The following L3MBTL4 variants were observed in gnomAD, a reference collection of about 807,000 sequenced individuals.
L3MBTL4 encodes the protein L3MBTL histone methyl-lysine binding protein 4, also known as lethal(3)malignant brain tumor-like protein 4.
A neutral mutation model predicts 84.5 loss-of-function variants in L3MBTL4; 70 were observed. The ratio of observed to expected loss-of-function variants is 0.83; its 90% CI spans 0.68 to 1.01. The LOEUF (loss-of-function observed/expected upper bound fraction) is 1.01. L3MBTL4 is among the 50% of genes least tolerant of loss of function. The pLI, the probability that L3MBTL4 is intolerant of heterozygous loss-of-function variation, is 0.00. For synonymous variants in L3MBTL4, 274 were observed against 259.8 expected (o/e 1.05, Z -0.52); for missense variants, 715 against 754.8 (o/e 0.95, Z 0.62).
intron 12 of L3MBTL4, among the ~76,000 whole-genome samples, chr18:6,180,683 A>G (rs1210517689): frequency 6.6e-6 from 1 of 152,230 alleles, no homozygotes; most frequent in East Asian, 1.9e-4. Flanking sequence ...TTCTTAAAGC[A>G]GTGTTTTTCA....
chr18:6,140,342 T>A (rs925206822), intron 13 of L3MBTL4, among the ~76,000 whole-genome samples: 2 of 152,212 alleles, frequency 1.3e-5, no homozygotes, highest in African/African-American at 4.8e-5. Flanking sequence ...GACTTTTCAA[T>A]CATGTCTGGC....
At chr18:6,045,518 G>C (rs1334787343) in intron 16 of L3MBTL4, among the ~76,000 whole-genome samples, 2 of 152,138 alleles carry the variant, frequency 1.3e-5, no homozygotes, top group Non-Finnish European at 2.9e-5. Flanking sequence ...AGGCAAGGAG[G>C]AGCAAGTCAC....
At chr18:6,223,796 G>A (rs77413984) in intron 10 of L3MBTL4, among the ~76,000 whole-genome samples, 2,449 of 152,134 alleles carry the variant, frequency 0.016, 53 homozygotes, top group African/African-American at 0.057. Context: ...TCTATTCTCC[G>A]GCTGAAATGG....
chr18:6,321,878 A>C (rs1361470813), intron 1 of L3MBTL4, among the ~76,000 whole-genome samples: 1 of 151,994 alleles, frequency 6.6e-6, no homozygotes, highest in Admixed American at 6.6e-5. Flanking sequence ...TGGTATAATG[A>C]CCTTTGGAGA....
At chr18:6,152,427 C>T (rs185599827) in intron 13 of L3MBTL4, among the ~76,000 whole-genome samples, 3 of 152,260 alleles carry the variant, frequency 2.0e-5, no homozygotes, top group Admixed American at 2.0e-4. Context: ...AACAATCATC[C>T]TAACAGGTGT....
chr18:6,005,402 T>A (rs1301729424), intron 16 of L3MBTL4, among the ~76,000 whole-genome samples: 1 of 152,104 alleles, frequency 6.6e-6, no homozygotes, highest in Non-Finnish European at 1.5e-5. Flanking sequence ...AAATTGCATG[T>A]CATGAGGGTT....
intron 12 of L3MBTL4, among the ~76,000 whole-genome samples, chr18:6,199,588 A>G (rs1213102654): frequency 6.6e-6 from 1 of 152,172 alleles, no homozygotes; most frequent in East Asian, 1.9e-4. Flanking sequence ...AAAAGCTAAG[A>G]TCCTAAGCCC....
At chr18:6,364,475 T>C (rs1294791799) in intron 1 of L3MBTL4, among the ~76,000 whole-genome samples, 2 of 152,084 alleles carry the variant, frequency 1.3e-5, no homozygotes, top group Admixed American at 1.3e-4. Flanking sequence ...TCTTAAAATA[T>C]ACAAATTAGT....
chr18:6,200,219 G>A (rs899676162), intron 12 of L3MBTL4, among the ~76,000 whole-genome samples: 3 of 152,214 alleles, frequency 2.0e-5, no homozygotes, highest in African/African-American at 7.2e-5. Context: ...ATAAGAAGAT[G>A]CAATTATATT....
At position 5,956,165 on chromosome 18, in the gene L3MBTL4, T is replaced by C. The variant is rs957589340; in HGVS notation, c.*55A>G. Reference sequence around the variant, plus strand: ...TTCACATCAAATTAATGTGCTCCACTTTTATTGCTGAAAGAGCGCAGGTCT... The same window carrying C: ...TTCACATCAAATTAATGTGCTCCACCTTTATTGCTGAAAGAGCGCAGGTCT... On this transcript the variant is annotated 3_prime_UTR_variant, in exon 19 of 19. Coordinates refer to ENST00000317931, the MANE Select transcript of L3MBTL4 (RefSeq NM_001330559.2). The C allele has an allele frequency of 6.8e-7, 1 of 1,476,656 alleles. No individual in the cohort carries two copies. The highest frequency in any genetic ancestry group is 1.4e-5 in the African/African-American group (1 of 71,744). 91.5% of individuals were successfully genotyped at this position (1,476,656 alleles called of 1,614,324 possible).
At chr18:6,226,537 A>G (rs571307307) in intron 10 of L3MBTL4, among the ~76,000 whole-genome samples, 1 of 152,208 alleles carries the variant, frequency 6.6e-6, no homozygotes, top group Non-Finnish European at 1.5e-5. Flanking sequence ...TGTTTTCCTT[A>G]TTTGCTCATT....
intron 16 of L3MBTL4, among the ~76,000 whole-genome samples, chr18:6,072,802 G>A (rs566425073): frequency 1.1e-3 from 151 of 141,878 alleles, no homozygotes; most frequent in Admixed American, 2.1e-3. Flanking sequence ...CTTGCAATGA[G>A]CCCAGATCGT....
intron 5 of L3MBTL4, among the ~76,000 whole-genome samples, chr18:6,262,139 T>A (rs183612525): frequency 2.6e-5 from 4 of 152,132 alleles, no homozygotes; most frequent in African/African-American, 7.2e-5. Context: ...CCCTTGGGTG[T>A]CACAGTGCCT....
intron 12 of L3MBTL4, among the ~76,000 whole-genome samples, chr18:6,179,174 A>G (rs964312150): frequency 1.3e-5 from 2 of 152,126 alleles, no homozygotes; most frequent in South Asian, 2.1e-4. Context: ...TAAATTTTTA[A>G]TTTCCACTTT....
At chr18:6,357,653 C>T (rs1162470293) in intron 1 of L3MBTL4, among the ~76,000 whole-genome samples, 1 of 152,094 alleles carries the variant, frequency 6.6e-6, no homozygotes, top group Non-Finnish European at 1.5e-5. Flanking sequence ...ATGACTGGGG[C>T]CTAATTGTCA....
At chr18:6,114,083 G>GAA (rs2059282068) in intron 14 of L3MBTL4, among the ~76,000 whole-genome samples, 1 of 152,066 alleles carries the variant, frequency 6.6e-6, no homozygotes, top group African/African-American at 2.4e-5. Context: ...AACACACACA[G>GAA]ACACACACAC....
At chr18:6,281,883 G>T (rs1421690677) in intron 4 of L3MBTL4, among the ~76,000 whole-genome samples, 1 of 152,178 alleles carries the variant, frequency 6.6e-6, no homozygotes, top group Non-Finnish European at 1.5e-5. Flanking sequence ...TTAAAAACTG[G>T]CTTTAGATAA....
intron 10 of L3MBTL4, among the ~76,000 whole-genome samples, chr18:6,220,883 T>C (rs1049273866): frequency 1.3e-5 from 2 of 152,162 alleles, no homozygotes; most frequent in Non-Finnish European, 2.9e-5. Flanking sequence ...CTGGTACTGG[T>C]GGCATCAGAG....
chr18:6,134,245 C>T (rs565535575), intron 14 of L3MBTL4, among the ~76,000 whole-genome samples: 1 of 152,256 alleles, frequency 6.6e-6, no homozygotes, highest in South Asian at 2.1e-4. Flanking sequence ...TTACTTCCCC[C>T]TGGGTCCTTC....
Sources: allele counts gnomAD v4.1 joint callset (sites outside exome capture counted in the v4.1 genomes callset), GRCh38; gene constraint gnomAD v4.1.1; transcripts MANE v1.5; gene names NCBI Gene and HGNC (gene_info 2026-07-23, HGNC 2026-07-21).